The following ST6GAL2 variants were observed in gnomAD, a reference collection of about 807,000 sequenced individuals.
ST6GAL2 encodes the protein beta-galactoside alpha-2,6-sialyltransferase 2.
Under a neutral mutation model 37.5 loss-of-function variants are expected in ST6GAL2, and 24 were observed. The ratio of observed to expected loss-of-function variants is 0.64; its 90% CI spans 0.46 to 0.90. The LOEUF (loss-of-function observed/expected upper bound fraction) is 0.90, where lower values mean the gene tolerates loss of function less well. ST6GAL2 is among the 40% of genes least tolerant of loss of function. The pLI, the probability that ST6GAL2 is intolerant of heterozygous loss-of-function variation, is 0.00. For synonymous variants in ST6GAL2, 306 were observed against 295.1 expected (o/e 1.04, Z -0.38); for missense variants, 715 against 712.7 (o/e 1.00, Z -0.04).
At chr2:106,855,042 A>C (rs1364689096) in intron 1 of ST6GAL2, among the ~76,000 whole-genome samples, 1 of 152,278 alleles carries the variant, frequency 6.6e-6, no homozygotes, top group East Asian at 1.9e-4. Flanking sequence ...TGAGCTTATT[A>C]TAATTTATGC....
intron 1 of ST6GAL2, among the ~76,000 whole-genome samples, chr2:106,863,674 C>G (rs1296388201): frequency 6.6e-6 from 1 of 152,174 alleles, no homozygotes; most frequent in Non-Finnish European, 1.5e-5. Context: ...CCTGGCACTA[C>G]TTAATTAACC....
At chr2:106,859,799 C>A (rs950474407) in intron 1 of ST6GAL2, among the ~76,000 whole-genome samples, 1 of 152,090 alleles carries the variant, frequency 6.6e-6, no homozygotes, top group Non-Finnish European at 1.5e-5. Flanking sequence ...ATGCAGCAGT[C>A]GGAGTGACAC....
chr2:106,830,268 A>G (rs1676368564), intron 4 of ST6GAL2, 28 bp from the exon 5 acceptor site: 1 of 1,591,746 alleles, frequency 6.3e-7, no homozygotes, highest in Non-Finnish European at 8.5e-7. Context: ...AATGCAGTCA[A>G]GTAGAAAGAA....
At position 106,843,414 on chromosome 2, in the gene ST6GAL2, C is replaced by G. The variant is rs1558700868; in HGVS notation, c.564G>C (p.Glu188Asp). ...RRQRRSHVLE[E>D]GDDGDRLYSS... ...AGTACAGCCTGTCGCCGTCGTCGCC[C>G]TCCTCCAACACGTGGCTCCTTCTCT... Residue 188 changes from glutamate to aspartate, a missense_variant, in exon 2 of 6, where the codon GAG (glutamate) becomes GAC (aspartate). Glu to Asp is a conservative substitution (Grantham distance 45). Coordinates refer to ENST00000409382, the MANE Select transcript of ST6GAL2 (RefSeq NM_001142351.2). 3.7e-6 allele frequency: 6 copies of G among 1,614,136 alleles called. No individual in the cohort carries two copies. The highest frequency in any genetic ancestry group is 3.3e-5 in the South Asian group (3 of 91,086).
intron 1 of ST6GAL2, among the ~76,000 whole-genome samples, chr2:106,870,110 C>T (rs1344630468): frequency 2.0e-5 from 3 of 151,952 alleles, no homozygotes; most frequent in Non-Finnish European, 2.9e-5. Flanking sequence ...GGATGGGGGG[C>T]GCTACAGTCT....
intron 1 of ST6GAL2, among the ~76,000 whole-genome samples, chr2:106,870,749 A>T (rs1352440714): frequency 2.6e-5 from 4 of 152,134 alleles, no homozygotes; most frequent in Non-Finnish European, 5.9e-5. Flanking sequence ...GACCTTTCTA[A>T]CCACATCCAG....
chr2:106,877,973 T>C (rs1158258931), intron 1 of ST6GAL2, among the ~76,000 whole-genome samples: 1 of 152,100 alleles, frequency 6.6e-6, no homozygotes, highest in African/African-American at 2.4e-5. Context: ...TGGCTGGAGG[T>C]TGTGCCCACC....
chr2:106,885,283 A>AT (rs1476914721), intron 1 of ST6GAL2, among the ~76,000 whole-genome samples: 2 of 151,900 alleles, frequency 1.3e-5, no homozygotes, highest in Non-Finnish European at 2.9e-5. Flanking sequence ...CTCTCGCCAA[A>AT]TTTTTCGCAT....
At chr2:106,823,228 TG>T (rs1158237076) in intron 5 of ST6GAL2, 1 of 152,132 alleles carries the variant, frequency 6.6e-6, no homozygotes, top group Non-Finnish European at 1.5e-5. Flanking sequence ...CTAGGAAATC[TG>T]ATTTTCTTCT....
At chr2:106,863,382 A>G (rs1026831723) in intron 1 of ST6GAL2, among the ~76,000 whole-genome samples, 1 of 152,206 alleles carries the variant, frequency 6.6e-6, no homozygotes, top group Non-Finnish European at 1.5e-5. Context: ...TTCTGTAGCT[A>G]AACAGGATGC....
intron 5 of ST6GAL2, among the ~76,000 whole-genome samples, chr2:106,826,539 CAAAAA>C (rs67548358): frequency 4.8e-5 from 5 of 103,450 alleles, no homozygotes; most frequent in African/African-American, 9.4e-5. Flanking sequence ...GACTCCGTCT[CAAAAA>C]AAAAAAAAAA....
At position 106,843,843 on chromosome 2, in the gene ST6GAL2, G is replaced by C. The variant is rs1422391663; in HGVS notation, c.135C>G (p.Phe45Leu). 1 of 1,612,272 alleles carries C rather than the reference G, an allele frequency of 6.2e-7. No individual in the cohort carries two copies. ...CCGGCAGGAGCCTCCTGGTCTCCAGGAAGGAGAGGGAGCTGGGTACAGGCT... is the reference window on the plus strand; with the variant it reads ...CCGGCAGGAGCCTCCTGGTCTCCAGCAAGGAGAGGGAGCTGGGTACAGGCT... ...PAEPVPSSLSFLETRRLLPVQ... is the reference protein window; with the variant it reads ...PAEPVPSSLSLLETRRLLPVQ... The change falls in exon 2 of 6, where the codon TTC (phenylalanine) becomes TTG (leucine). Residue 45 changes from phenylalanine to leucine, a missense_variant. Around this residue, in one of 3 missense-constraint regions of ST6GAL2, gnomAD observed 512 missense variants for 488.8 expected, o/e 1.05. Transcript: ENST00000409382.
chr2:106,821,067 AC>A (rs1478176412), intron 5 of ST6GAL2, among the ~76,000 whole-genome samples: 5 of 152,030 alleles, frequency 3.3e-5, no homozygotes, highest in Admixed American at 6.5e-5. Flanking sequence ...CAAGTAAACA[AC>A]CAAATGATGT....
At chr2:106,879,874 A>T (rs1031438202) in intron 1 of ST6GAL2, among the ~76,000 whole-genome samples, 12 of 147,894 alleles carry the variant, frequency 8.1e-5, no homozygotes, top group Non-Finnish European at 1.5e-4. Context: ...TACATTATAC[A>T]TATAGACCTA....
intron 5 of ST6GAL2, chr2:106,823,039 C>T (rs188106768): frequency 1.3e-5 from 2 of 152,222 alleles, no homozygotes; most frequent in South Asian, 2.1e-4. Context: ...CAATAAAATA[C>T]TTTTGGTGAA....
At chr2:106,857,876 A>G (rs773147528) in intron 1 of ST6GAL2, among the ~76,000 whole-genome samples, 2 of 152,184 alleles carry the variant, frequency 1.3e-5, no homozygotes, top group Non-Finnish European at 2.9e-5. Flanking sequence ...AGAATAACCT[A>G]CACACAGGTC....
chr2:106,843,518 C>T lies in ST6GAL2; in HGVS notation c.460G>A (p.Gly154Arg), dbSNP rs3796110. Residue 154 changes from glycine to arginine, a missense_variant, in exon 2 of 6, where the codon GGG becomes AGG. Physicochemically the swap from Gly to Arg is moderately radical, Grantham distance 125. Coordinates refer to ENST00000409382, the MANE Select transcript of ST6GAL2 (RefSeq NM_001142351.2). ...GCCCCCTCCCGTGGGCCTGGCTCCC[C>T]GGGGGAAGGGAATCCCAATGTCCCC... Reference protein sequence around the residue: ...TQGTLGFPSPGEPGPREGAFP... With the variant: ...TQGTLGFPSPREPGPREGAFP... 158,770 of 1,613,892 alleles carry T rather than the reference C, an allele frequency of 0.098. 9,787 individuals carry two copies. The highest frequency in any genetic ancestry group is 0.17 in the Admixed American group (10,396 of 60,026).
chr2:106,852,201 G>A (rs1425382470), intron 1 of ST6GAL2, among the ~76,000 whole-genome samples: 2 of 152,216 alleles, frequency 1.3e-5, no homozygotes, highest in Admixed American at 1.3e-4. Flanking sequence ...CAGGTCAGCG[G>A]AGCCTGTGGT....
At position 106,868,642 on chromosome 2, in the gene ST6GAL2, T is replaced by C. The variant is rs76801996; in HGVS notation, c.-58+17451A>G. On this transcript the variant is annotated intron_variant, in intron 1 of 5. Coordinates refer to ENST00000409382, the MANE Select transcript of ST6GAL2 (RefSeq NM_001142351.2). Reference sequence around the variant, plus strand: ...GAACTGCCGTTATCAGAGACAGAGATGGGAGATGAGAAAGAAACAGATTGG... The same window carrying C: ...GAACTGCCGTTATCAGAGACAGAGACGGGAGATGAGAAAGAAACAGATTGG... 1.6e-3 allele frequency among the ~76,000 whole-genome samples: 248 copies of C among 152,096 alleles called. 2 individuals are homozygous for C. The highest frequency in any genetic ancestry group is 5.8e-3 in the African/African-American group (239 of 41,482).
Sources: gnomAD v4.1 joint callset for allele counts (sites outside exome capture counted in the v4.1 genomes callset) on GRCh38, gnomAD v4.1.1 for gene constraint, gnomAD v4.1.1 regional missense constraint, MANE v1.5 for transcripts, NCBI Gene and HGNC (gene_info 2026-07-23, HGNC 2026-07-21) for gene names.